Variants in SEC24A observed in about 807,000 individuals in gnomAD.
SEC24A encodes SEC24 homolog A, COPII component.
In SEC24A, 93 loss-of-function variants were observed where a neutral mutation model predicts 129.4. The ratio of observed to expected loss-of-function variants is 0.72; its 90% confidence interval spans 0.61 to 0.85. The LOEUF is 0.85. SEC24A is among the 40% of genes least tolerant of loss of function. The pLI is 0.00. For synonymous variants in SEC24A, 460 were observed against 467.3 expected (o/e 0.98, Z 0.20); for missense variants, 1,264 against 1,307.4 (o/e 0.97, Z 0.51).
intron 12 of SEC24A, 145 bp downstream of exon 12, chr5:134,692,802 A>G: frequency 2.8e-6 from 2 of 715,336 alleles, no homozygotes; most frequent in Non-Finnish European, 4.9e-6. Context: ...AATTAGATGA[A>G]CAGCTCTTGA....
intron 12 of SEC24A, 31 bp from the exon 13 acceptor site, chr5:134,693,696 A>G (rs758901821): frequency 4.4e-6 from 7 of 1,604,698 alleles, no homozygotes; most frequent in African/African-American, 1.3e-5. Context: ...TTTAATTATG[A>G]CACTTGAGTT....
chr5:134,706,980 C>T (rs1386711738), intron 17 of SEC24A, among the ~76,000 whole-genome samples: 5 of 152,086 alleles, frequency 3.3e-5, no homozygotes, highest in African/African-American at 9.7e-5. Flanking sequence ...TGAGCCACCA[C>T]GCCTGGCCCT....
intron 22 of SEC24A, 150 bp from the exon 23 acceptor site, chr5:134,724,830 C>T (rs1752721618): frequency 3.4e-6 from 2 of 587,364 alleles, no homozygotes; most frequent in Non-Finnish European, 6.1e-6. Context: ...TTGAAATTTA[C>T]ATAATCAACC....
chr5:134,691,523 G>A (rs979523238), intron 11 of SEC24A, among the ~76,000 whole-genome samples: 3 of 137,526 alleles, frequency 2.2e-5, no homozygotes, highest in Admixed American at 1.5e-4. Context: ...TTTTTGAGAC[G>A]AGTCTTGATT....
intron 2 of SEC24A, among the ~76,000 whole-genome samples, chr5:134,664,792 CTTTTTTTTTTTTTTTTTTTT>C (rs70976552): frequency 1.2e-5 from 1 of 86,204 alleles, no homozygotes; most frequent in South Asian, 5.0e-4. Flanking sequence ...TTTTCTTTTT[CTTTTTTTTTTTTTTTTTTTT>C]TTTTGAGACG....
Position 134,708,844 on chromosome 5 carries a change from T to G in SEC24A, c.2683T>G (p.Ser895Ala), listed in dbSNP as rs1752240033. ...GCAGCCTGGACTCATGGTTCCTTTT[T>G]CTTTGCGGCTTTTCCCACTTTTTGT... ...NQQPGLMVPF[S>A]LRLFPLFVLA... The change falls in exon 18 of 23, where the codon TCT becomes GCT. Residue 895 changes from serine to alanine, a missense_variant. Ser to Ala is a moderately conservative substitution (Grantham distance 99). Transcript: ENST00000398844. 6.2e-7 allele frequency: 1 copy of G among 1,613,894 alleles called. No homozygotes were observed. The highest frequency in any genetic ancestry group is 1.3e-5 in the African/African-American group (1 of 74,918).
intron 15 of SEC24A, among the ~76,000 whole-genome samples, chr5:134,702,205 G>C (rs894205093): frequency 6.6e-6 from 1 of 152,054 alleles, no homozygotes; most frequent in African/African-American, 2.4e-5. Context: ...TTAAGAGACA[G>C]GGTCTCACTA....
At chr5:134,678,863 AGCC>A (rs1216668244) in intron 7 of SEC24A, among the ~76,000 whole-genome samples, 1 of 152,104 alleles carries the variant, frequency 6.6e-6, no homozygotes, top group East Asian at 1.9e-4. Context: ...TACAGGCATG[AGCC>A]ACCACGCCCA....
chr5:134,679,804 T>C, intron 8 of SEC24A, 76 bp downstream of exon 8: 1 of 1,217,084 alleles, frequency 8.2e-7, no homozygotes, highest in East Asian at 2.7e-5. Flanking sequence ...AAATGCACAG[T>C]TAAAAAAAAA....
At chr5:134,715,924 A>G (rs907872567) in intron 19 of SEC24A, among the ~76,000 whole-genome samples, 2 of 151,512 alleles carry the variant, frequency 1.3e-5, no homozygotes, top group East Asian at 3.9e-4. Context: ...GTTTTTTGTT[A>G]CAGAAATCAT....
At chr5:134,684,705 T>TC (rs1580709537) in intron 9 of SEC24A, among the ~76,000 whole-genome samples, 2 of 151,480 alleles carry the variant, frequency 1.3e-5, no homozygotes, top group Admixed American at 1.3e-4. Flanking sequence ...CGTGCGAGAC[T>TC]CCATCTCAAA....
intron 11 of SEC24A, among the ~76,000 whole-genome samples, chr5:134,691,230 C>T (rs1314573125): frequency 6.1e-5 from 9 of 147,030 alleles, no homozygotes; most frequent in African/African-American, 1.8e-4. Context: ...AGTGCAGTGG[C>T]GCGATCTTGG....
At chr5:134,702,721 C>G (rs946901262) in intron 15 of SEC24A, among the ~76,000 whole-genome samples, 1 of 152,128 alleles carries the variant, frequency 6.6e-6, no homozygotes, top group Non-Finnish European at 1.5e-5. Flanking sequence ...ACCTAGTATT[C>G]AGCAGACTGA....
At chr5:134,649,281 T>G in intron 1 of SEC24A, 108 bp downstream of exon 1, 3 of 755,172 alleles carry the variant, frequency 4.0e-6, no homozygotes, top group Non-Finnish European at 6.1e-6. Context: ...CCTTACCGGG[T>G]TCTGGCGCGG....
intron 9 of SEC24A, among the ~76,000 whole-genome samples, chr5:134,684,157 G>A (rs1311006705): frequency 1.3e-5 from 2 of 151,764 alleles, no homozygotes; most frequent in Non-Finnish European, 2.9e-5. Context: ...ACAAAAATTA[G>A]CCGGGCCTGG....
In SEC24A at chr5:134,720,913, TATAAAATAAAA is replaced by T; in HGVS notation, c.2971-77_2971-67del. 7 of 688,074 alleles carry T rather than the reference TATAAAATAAAA, an allele frequency of 1.0e-5. No homozygotes were observed. In the South Asian group the frequency reaches 1.3e-4, roughly 13 times the overall value. 42.6% of individuals were successfully genotyped at this position (688,074 alleles called of 1,614,324 possible). A position where few individuals can be genotyped will look rare whatever the true frequency, so the allele number is the denominator to read the frequency against. ...TGAGACCCTATCTCACAAATATATATATAAAATAAAAATAAAATGTACTCACTCAACAGACT... is the reference window on the plus strand; with the variant it reads ...TGAGACCCTATCTCACAAATATATATATAAAATGTACTCACTCAACAGACT... On this transcript the variant is annotated intron_variant, in intron 20 of 22. Coordinates refer to ENST00000398844, the MANE Select transcript of SEC24A (RefSeq NM_021982.3).
intron 18 of SEC24A, among the ~76,000 whole-genome samples, chr5:134,713,679 A>G (rs1752394785): frequency 6.6e-6 from 1 of 151,916 alleles, no homozygotes; most frequent in African/African-American, 2.4e-5. Flanking sequence ...ACGTAATTTC[A>G]TTATTCTTTT....
At chr5:134,648,687 C>T (rs899787916), upstream of SEC24A, 1 of 157,962 alleles carries the variant, frequency 6.3e-6, no homozygotes, top group African/African-American at 2.4e-5. Flanking sequence ...GCCCGGCTGG[C>T]AGAGAAGAGT....
chr5:134,693,603 T>C lies in SEC24A; in HGVS notation c.1780-124T>C, dbSNP rs2150097616. The C allele has an allele frequency of 2.1e-6, 3 of 1,446,266 alleles. No homozygotes were observed. The South Asian group carries it at 4.4e-5, about 21-fold the overall frequency. The allele number at this position is 1,446,266 out of a possible 1,614,324, so 89.6% of individuals were successfully genotyped here. A position where few individuals can be genotyped will look rare whatever the true frequency, so the allele number is the denominator to read the frequency against. ...TTGTCATTTGACCAACTTCATTGTT[T>C]AGTGTCTGTAGATTCTCTGACCATC... On this transcript the variant is annotated intron_variant, in intron 12 of 22. Coordinates refer to ENST00000398844, the MANE Select transcript of SEC24A (RefSeq NM_021982.3).
Sources: allele counts gnomAD v4.1 joint callset (sites outside exome capture counted in the v4.1 genomes callset), GRCh38; gene constraint gnomAD v4.1.1; transcripts MANE v1.5; gene names NCBI Gene and HGNC (gene_info 2026-07-23, HGNC 2026-07-21).